GABRG3: variants seen among roughly 807,000 people sequenced by gnomAD.
GABRG3 encodes gamma-aminobutyric acid type A receptor subunit gamma3, also known as gamma-aminobutyric acid receptor subunit gamma-3.
In GABRG3, 25 loss-of-function variants were observed where a neutral mutation model predicts 48.8. The observed-to-expected ratio is 0.51, with a 90% CI of 0.37 to 0.72. GABRG3 has a LOEUF of 0.72. GABRG3 is among the 30% of genes least tolerant of loss of function. GABRG3 has a pLI of 0.00. For synonymous variants in GABRG3, 227 were observed against 217.6 expected (o/e 1.04, Z -0.38); for missense variants, 394 against 577.9 (o/e 0.68, Z 3.26).
chr15:27,260,276 A>G (rs1166601220), intron 3 of GABRG3, among the ~76,000 whole-genome samples: 1 of 152,062 alleles, frequency 6.6e-6, no homozygotes, highest in African/African-American at 2.4e-5. Context: ...TTTCTTACTC[A>G]GGCAGTCCCC....
At chr15:27,150,570 T>C (rs936795627) in intron 3 of GABRG3, among the ~76,000 whole-genome samples, 1 of 152,244 alleles carries the variant, frequency 6.6e-6, no homozygotes, top group African/African-American at 2.4e-5. Flanking sequence ...TCTAGAGCAC[T>C]CACAACAACT....
intron 3 of GABRG3, among the ~76,000 whole-genome samples, chr15:27,306,335 TA>T (rs1170131336): frequency 9.1e-6 from 1 of 109,956 alleles, no homozygotes; most frequent in Non-Finnish European, 1.6e-5. Flanking sequence ...TATATAAACA[TA>T]AAATATAAAC....
At chr15:27,036,135 G>T (rs933297818) in intron 3 of GABRG3, among the ~76,000 whole-genome samples, 2 of 152,186 alleles carry the variant, frequency 1.3e-5, no homozygotes, top group African/African-American at 4.8e-5. Context: ...GTAAGACATC[G>T]AATAAACAAA....
chr15:27,445,695 A>G (rs12595512), intron 5 of GABRG3, among the ~76,000 whole-genome samples: 10,141 of 152,112 alleles, frequency 0.067, 763 homozygotes, highest in East Asian at 0.29. Flanking sequence ...AATAAAGTGT[A>G]TTTTTATATT....
At position 27,238,094 on chromosome 15, in the gene GABRG3, ATCATCT is replaced by A; in HGVS notation, c.271-88713_271-88708del. Among the ~76,000 whole-genome samples the A allele has an allele frequency of 1.4e-5, 2 of 139,714 alleles. 1 individual carries two copies. The highest frequency in any genetic ancestry group is 3.3e-5 in the Non-Finnish European group (2 of 61,036). 91.7% of individuals were successfully genotyped at this position (139,714 alleles called of 152,430 possible). ...TTCATACTGGACCTGGTGTGATGGGATCATCTTGAGATTCTGTGTCTCGCAGACAGC... is the reference window on the plus strand; with the variant it reads ...TTCATACTGGACCTGGTGTGATGGGATGAGATTCTGTGTCTCGCAGACAGC... On this transcript the variant is annotated intron_variant, in intron 3 of 9. Coordinates refer to ENST00000615808, the MANE Select transcript of GABRG3 (RefSeq NM_033223.5).
intron 5 of GABRG3, among the ~76,000 whole-genome samples, chr15:27,438,924 C>T (rs758560188): frequency 1.1e-4 from 17 of 152,280 alleles, no homozygotes; most frequent in African/African-American, 3.1e-4. Flanking sequence ...TGCTCTGCTC[C>T]GGGAAGCACT....
intron 3 of GABRG3, among the ~76,000 whole-genome samples, chr15:27,263,513 A>G (rs1246040086): frequency 6.6e-6 from 1 of 152,114 alleles, no homozygotes; most frequent in Non-Finnish European, 1.5e-5. Flanking sequence ...CCATTTTAGG[A>G]GCAGATAGGA....
chr15:27,539,141 A>C lies in GABRG3; in HGVS notation c.*6260A>C, dbSNP rs144166797. The C allele has an allele frequency of 0.012, 1,806 of 152,270 alleles. 17 individuals carry two copies. The highest frequency in any genetic ancestry group is 0.024 in the Middle Eastern group (7 of 294). 9.4% of individuals were successfully genotyped at this position (152,270 alleles called of 1,614,324 possible). ...TTGTCATTTTAGGGACATGGTGATA[A>C]TCAGGACTGATGCCAGTAAGTGGGA... On this transcript the variant is annotated 3_prime_UTR_variant, in exon 10 of 10. Coordinates refer to ENST00000615808, the MANE Select transcript of GABRG3 (RefSeq NM_033223.5).
At chr15:26,997,888 G>GT (rs1895370026) in intron 2 of GABRG3, among the ~76,000 whole-genome samples, 1 of 152,184 alleles carries the variant, frequency 6.6e-6, no homozygotes, top group African/African-American at 2.4e-5. Context: ...AGAGATGCAA[G>GT]TAATTTTATT....
chr15:27,001,503 G>A (rs1378097886), intron 2 of GABRG3, among the ~76,000 whole-genome samples: 2 of 152,212 alleles, frequency 1.3e-5, no homozygotes, highest in Admixed American at 6.5e-5. Flanking sequence ...CTGCAGGTTA[G>A]CATTTGTGGA....
At chr15:27,518,548 G>A (rs139649771) in intron 6 of GABRG3, among the ~76,000 whole-genome samples, 14 of 152,226 alleles carry the variant, frequency 9.2e-5, no homozygotes, top group African/African-American at 3.1e-4. Context: ...CCAATTTATG[G>A]GAAGGTGTCA....
chr15:27,400,368 C>T (rs1235884649), intron 5 of GABRG3, among the ~76,000 whole-genome samples: 1 of 152,188 alleles, frequency 6.6e-6, no homozygotes, highest in Non-Finnish European at 1.5e-5. Flanking sequence ...TAGCAAAGCA[C>T]TTTGCAGTCA....
At chr15:27,163,086 C>T (rs926542363) in intron 3 of GABRG3, among the ~76,000 whole-genome samples, 3 of 152,036 alleles carry the variant, frequency 2.0e-5, no homozygotes, top group Admixed American at 1.3e-4. Context: ...CCCTACATTA[C>T]CTCTCAGCTC....
At chr15:27,035,400 C>G (rs566783756) in intron 3 of GABRG3, among the ~76,000 whole-genome samples, 23 of 152,306 alleles carry the variant, frequency 1.5e-4, no homozygotes, top group African/African-American at 4.6e-4. Flanking sequence ...TGCACTGACT[C>G]CTTCAAATGT....
At chr15:27,193,124 C>G (rs1211783808) in intron 3 of GABRG3, among the ~76,000 whole-genome samples, 1 of 152,200 alleles carries the variant, frequency 6.6e-6, no homozygotes, top group African/African-American at 2.4e-5. Context: ...CAGTCTGCCC[C>G]TACTGGGGGG....
chr15:27,304,497 A>G (rs1019779326), intron 3 of GABRG3, among the ~76,000 whole-genome samples: 1 of 152,010 alleles, frequency 6.6e-6, no homozygotes, highest in Non-Finnish European at 1.5e-5. Flanking sequence ...TCAGTGGAGC[A>G]GAATTCGTTC....
chr15:27,482,731 G>A (rs1395277711), intron 6 of GABRG3, among the ~76,000 whole-genome samples: 2 of 152,222 alleles, frequency 1.3e-5, no homozygotes, highest in Admixed American at 1.3e-4. Context: ...ATTGTGCCAA[G>A]TTTTCAAGCT....
intron 3 of GABRG3, among the ~76,000 whole-genome samples, chr15:27,300,703 G>T (rs574139466): frequency 7.0e-4 from 101 of 144,880 alleles, no homozygotes; most frequent in African/African-American, 2.5e-3. Flanking sequence ...AAAAACACCT[G>T]GATTATTATT....
chr15:27,417,409 T>G (rs975658351), intron 5 of GABRG3, among the ~76,000 whole-genome samples: 1 of 152,186 alleles, frequency 6.6e-6, no homozygotes, highest in African/African-American at 2.4e-5. Flanking sequence ...CCAATCCTCC[T>G]TCTACCCCTG....
Sources: allele counts gnomAD v4.1 joint callset (sites outside exome capture counted in the v4.1 genomes callset), GRCh38; gene constraint gnomAD v4.1.1; transcripts MANE v1.5; gene names NCBI Gene and HGNC (gene_info 2026-07-23, HGNC 2026-07-21).